Variants in BRSK2 observed in about 807,000 individuals in gnomAD.
The protein encoded by BRSK2 is serine/threonine-protein kinase BRSK2.
BRSK2 carries 19 observed loss-of-function variants against 83.3 expected under a neutral mutation model. That is an observed-to-expected ratio of 0.23 (90% confidence interval 0.16 to 0.33). The LOEUF (loss-of-function observed/expected upper bound fraction) is 0.33. BRSK2 is among the 10% of genes least tolerant of loss of function. The probability of loss-of-function intolerance (pLI) is 1.00; values close to 1 mark genes in which losing one functional copy is unlikely to be tolerated. For synonymous variants in BRSK2, 519 were observed against 435.4 expected (o/e 1.19, Z -2.39); for missense variants, 798 against 1,042.3 (o/e 0.77, Z 3.23).
At chr11:1,455,710 T>C (rs892223740) in intron 16 of BRSK2, among the ~76,000 whole-genome samples, 2 of 152,054 alleles carry the variant, frequency 1.3e-5, no homozygotes, top group Non-Finnish European at 2.9e-5. Context: ...CATCCCTTCA[T>C]GCTGCCCCTG....
intron 12 of BRSK2, among the ~76,000 whole-genome samples, chr11:1,449,461 C>T (rs11028298): frequency 0.025 from 3,799 of 152,300 alleles, 106 homozygotes; most frequent in African/African-American, 0.073. Context: ...TCTGTCCCCT[C>T]GTCCTTCCGT....
At chr11:1,404,519 A>G (rs551713358) in intron 1 of BRSK2, among the ~76,000 whole-genome samples, 1 of 152,196 alleles carries the variant, frequency 6.6e-6, no homozygotes, top group South Asian at 2.1e-4. Context: ...TGGGGTGGGG[A>G]AAGGTCCTCG....
intron 1 of BRSK2, among the ~76,000 whole-genome samples, chr11:1,425,058 G>T (rs550625401): frequency 6.6e-6 from 1 of 152,346 alleles, no homozygotes; most frequent in East Asian, 1.9e-4. Context: ...CCTGCCAGGC[G>T]TGGGGACTCG....
At position 1,454,912 on chromosome 11, in the gene BRSK2, G is replaced by A. The variant is rs1769080485; in HGVS notation, c.1668+304G>A. Among the ~76,000 whole-genome samples the A allele has an allele frequency of 2.0e-5, 3 of 152,182 alleles. No homozygotes were observed. The highest frequency in any genetic ancestry group is 4.4e-5 in the Non-Finnish European group (3 of 68,020). On this transcript the variant is annotated intron_variant, in intron 16 of 19. Coordinates refer to ENST00000528841, the MANE Select transcript of BRSK2 (RefSeq NM_001256627.2). The surrounding 1 kb of genome is among the most constrained non-coding windows in gnomAD (Gnocchi z 5.2). ...GCCTGGGCAGCTGGCACGTGGGGCA[G>A]AAGGAAGGCTCCAGCTGGGTGGGTC...
intron 1 of BRSK2, among the ~76,000 whole-genome samples, chr11:1,398,549 G>A (rs962478534): frequency 6.6e-6 from 1 of 152,146 alleles, no homozygotes; most frequent in Admixed American, 6.5e-5. Flanking sequence ...CCAGATGGGG[G>A]CTCATTCAGC....
At chr11:1,426,125 G>A (rs1380457752) in intron 1 of BRSK2, among the ~76,000 whole-genome samples, 4 of 152,238 alleles carry the variant, frequency 2.6e-5, no homozygotes, top group African/African-American at 9.6e-5. Context: ...GTCCCTGTGG[G>A]GCCTTGGGTG....
chr11:1,429,147 CATGGGTGTGT>C (rs1252451947), intron 1 of BRSK2, among the ~76,000 whole-genome samples: 2 of 129,946 alleles, frequency 1.5e-5, no homozygotes, highest in Non-Finnish European at 3.3e-5. Context: ...TGCACGTGTG[CATGGGTGTGT>C]GTGCACGGGT....
At chr11:1,433,805 C>G (rs1244563224) in intron 1 of BRSK2, among the ~76,000 whole-genome samples, 1 of 152,262 alleles carries the variant, frequency 6.6e-6, no homozygotes, top group Non-Finnish European at 1.5e-5. Flanking sequence ...TGAGCACACC[C>G]TGCCGAGGCC....
At position 1,454,457 on chromosome 11, in the gene BRSK2, C is replaced by T. The variant is rs747544258; in HGVS notation, c.1545-28C>T. The T allele has an allele frequency of 3.7e-6, 6 of 1,611,990 alleles. No individual in the cohort carries two copies. In the South Asian group the frequency reaches 5.5e-5, roughly 15 times the overall value. On this transcript the variant is annotated intron_variant, in intron 15 of 19. Coordinates refer to ENST00000528841, the MANE Select transcript of BRSK2 (RefSeq NM_001256627.2). The surrounding 1 kb of genome is among the most constrained non-coding windows in gnomAD (Gnocchi z 5.2). Reference sequence around the variant, plus strand: ...GTGTGGACGGTGCCACACCTCAATCCTCACAGCCTCTGTCTCCCACTGCCC... The same window carrying T: ...GTGTGGACGGTGCCACACCTCAATCTTCACAGCCTCTGTCTCCCACTGCCC...
chr11:1,461,429 T>C lies in BRSK2; in HGVS notation c.*706T>C, dbSNP rs915678741. The C allele has an allele frequency of 4.3e-5, 10 of 235,046 alleles. No individual in the cohort carries two copies. Among genetic ancestry groups the C allele is most frequent in the Non-Finnish European group, 6.6e-5 (8 of 120,888 alleles). 14.6% of individuals were successfully genotyped at this position (235,046 alleles called of 1,614,324 possible). ...TCTCACCCGCGCCTCCCTTGCCTCA[T>C]CTGGGGCGGCTGTGGGCTCTGGCGC... is the stretch of plus-strand genomic sequence containing the variant. On this transcript the variant is annotated 3_prime_UTR_variant, in exon 20 of 20. Transcript: ENST00000528841.
At chr11:1,445,255 C>A (rs1328237451) in intron 9 of BRSK2, 39 bp from the exon 10 acceptor site, 3 of 1,573,960 alleles carry the variant, frequency 1.9e-6, no homozygotes, top group Non-Finnish European at 2.6e-6. Context: ...CCAGGCCCGG[C>A]CGGAGCTGAT....
intron 1 of BRSK2, among the ~76,000 whole-genome samples, chr11:1,422,746 A>G (rs1440117249): frequency 6.6e-6 from 1 of 152,084 alleles, no homozygotes; most frequent in Non-Finnish European, 1.5e-5. Context: ...GCCTGTGGGG[A>G]ACTGGACACA....
chr11:1,412,395 G>A (rs1299927308), intron 1 of BRSK2, among the ~76,000 whole-genome samples: 1 of 40,810 alleles, frequency 2.5e-5, no homozygotes, highest in East Asian at 3.6e-4. Flanking sequence ...CCCGTCCTGC[G>A]GTGGGTGGAG....
chr11:1,445,312 C>G lies in BRSK2; in HGVS notation c.831C>G (p.Pro277=), dbSNP rs201409224. 1.2e-6 allele frequency: 2 copies of G among 1,610,046 alleles called. No individual in the cohort carries two copies. Among genetic ancestry groups the G allele is most frequent in the Non-Finnish European group, 8.5e-7 (1 of 1,178,606 alleles). ...HIWYIGGKNE[P]EPEQPIPRKV... is the part of the protein sequence containing the mutation. ...TCCACAGAGGGGGCAAGAATGAGCC[C>G]GAACCAGAGCAGCCCATTCCTCGCA... Residue 277 remains proline (P), a synonymous_variant, in exon 10 of 20, where the codon CCC becomes CCG. Transcript: ENST00000528841.
At position 1,436,081 on chromosome 11, in the gene BRSK2, G is replaced by A. The variant is rs371698384; in HGVS notation, c.133G>A (p.Val45Met). ...GGTTCACTGCGTCACCTGCCAGAAG[G>A]TGGCCATCAAGATCGTCAACCGTGA... ...LGVHCVTCQK[V>M]AIKIVNREKL... is the part of the protein sequence containing the mutation. Residue 45 changes from valine to methionine, a missense_variant, in exon 2 of 20, where the codon GTG becomes ATG. Coordinates refer to ENST00000528841, the MANE Select transcript of BRSK2 (RefSeq NM_001256627.2). The A allele has an allele frequency of 1.2e-6, 2 of 1,608,714 alleles. No homozygotes were observed. The highest frequency in any genetic ancestry group is 1.3e-5 in the African/African-American group (1 of 74,416).
intron 1 of BRSK2, chr11:1,411,561 C>A: frequency 6.3e-7 from 1 of 1,578,546 alleles, no homozygotes; most frequent in South Asian, 1.1e-5. Flanking sequence ...CACTCCCGGC[C>A]CACAGCTGCT....
chr11:1,422,005 C>T (rs1034689520), intron 1 of BRSK2, among the ~76,000 whole-genome samples: 1 of 152,002 alleles, frequency 6.6e-6, no homozygotes, highest in South Asian at 2.1e-4. Context: ...ACTGGGCCTG[C>T]AGGGGGTCTA....
intron 6 of BRSK2, 21 bp from the exon 7 acceptor site, chr11:1,443,314 C>G: frequency 6.3e-7 from 1 of 1,598,846 alleles, no homozygotes. Flanking sequence ...CCCCCAACAG[C>G]CCGGGCACTG....
intron 1 of BRSK2, among the ~76,000 whole-genome samples, chr11:1,406,551 GC>G (rs1297732816): frequency 6.6e-6 from 1 of 152,204 alleles, no homozygotes; most frequent in African/African-American, 2.4e-5. Flanking sequence ...TGCATGGGGG[GC>G]GAGCGGAGCT....
Sources: allele counts gnomAD v4.1 joint callset (sites outside exome capture counted in the v4.1 genomes callset), GRCh38; gene constraint gnomAD v4.1.1; non-coding constraint Gnocchi (gnomAD v3.1); transcripts MANE v1.5; gene names NCBI Gene and HGNC (gene_info 2026-07-23, HGNC 2026-07-21).